The following LRP1 variants were observed in gnomAD, a reference collection of about 807,000 sequenced individuals.
LRP1 encodes prolow-density lipoprotein receptor-related protein 1.
Under a neutral mutation model 541.5 loss-of-function variants are expected in LRP1, and 51 were observed. The observed-to-expected ratio is 0.09, with a 90% CI of 0.08 to 0.12. The LOEUF (loss-of-function observed/expected upper bound fraction) is 0.12, where lower values mean the gene tolerates loss of function less well. Among genes scored for constraint, LRP1 ranks in the 10% least tolerant of loss-of-function variants. The probability of loss-of-function intolerance (pLI) is 1.00; values close to 1 mark genes in which losing one functional copy is unlikely to be tolerated. For missense variants in LRP1, 3,878 were observed against 6,376.2 expected (o/e 0.61, Z 13.34); for synonymous variants, 2,219 against 2,470.8 (o/e 0.90, Z 3.02).
In LRP1 at chr12:57,158,246, C is replaced by T. The variant is rs969127427; in HGVS notation, c.1562-156C>T. 3.9e-5 allele frequency among the ~76,000 whole-genome samples: 6 copies of T among 152,184 alleles called. No homozygotes were observed. The highest frequency in any genetic ancestry group is 1.9e-4 in the East Asian group (1 of 5,190). ...CAGGACCCATCGTCCTGTATGTTAG[C>T]GTGTGCGTGGTCTGTCCATCTGACC... On this transcript the variant is annotated intron_variant, in intron 10 of 88. Coordinates refer to ENST00000243077, the MANE Select transcript of LRP1 (RefSeq NM_002332.3). The surrounding 1 kb of genome is among the most constrained non-coding windows in gnomAD (Gnocchi z 5.3).
Position 57,191,484 on chromosome 12 carries a change from C to T in LRP1, c.7401C>T (p.Ile2467=). The change falls in exon 44 of 89, where the codon ATC becomes ATT. Residue 2467 remains isoleucine (I), a synonymous_variant. Transcript: ENST00000243077. ...RVDIPQQPMG[I]IAVANDTNSC... is the part of the protein sequence containing the mutation. ...ACATCCCCCAGCAGCCCATGGGCAT[C>T]ATCGCCGTGGCCAACGACACCAACA... The T allele has an allele frequency of 6.3e-7, 1 of 1,599,728 alleles. No homozygotes were observed. The highest frequency in any genetic ancestry group is 1.1e-5 in the South Asian group (1 of 90,522).
At chr12:57,134,197 G>A (rs746415407) in intron 1 of LRP1, among the ~76,000 whole-genome samples, 152 of 152,300 alleles carry the variant, frequency 1.0e-3, no homozygotes, top group Non-Finnish European at 1.8e-3. Context: ...AGGCAAAGCC[G>A]AGAACAGACG....
chr12:57,131,016 A>T (rs2035027428), intron 1 of LRP1, among the ~76,000 whole-genome samples: 1 of 152,154 alleles, frequency 6.6e-6, no homozygotes, highest in South Asian at 2.1e-4. Flanking sequence ...ATTGCATAGA[A>T]ATGTAAGTTC....
rs1303261422 is a variant in LRP1, at chr12:57,194,521, T to G, written c.8068+18T>G. The G allele has an allele frequency of 5.0e-6, 8 of 1,610,478 alleles. No individual in the cohort carries two copies. The African/African-American group carries it at 5.3e-5, about 11-fold the overall frequency. On this transcript the variant is annotated intron_variant, in intron 49 of 88. Transcript: ENST00000243077. ...CTGCCCAGGTGGGCGGGGGCAGGTG[T>G]GTGGTGGGTGGTGGCCTGCGGTGAG...
chr12:57,180,930 G>A, intron 33 of LRP1, 123 bp downstream of exon 33: 1 of 1,378,542 alleles, frequency 7.3e-7, no homozygotes, highest in Non-Finnish European at 1.0e-6. Flanking sequence ...CCACCCAAAG[G>A]GGCTCCTTGT....
In LRP1 at chr12:57,178,179, G is replaced by T. The variant is rs930823767; in HGVS notation, c.4362-180G>T. ...TGAGAGGTGAAACCTGGACCTGTTGGGTTCTCACACCTTGGTCCTTCTGTC... is the reference window on the plus strand; with the variant it reads ...TGAGAGGTGAAACCTGGACCTGTTGTGTTCTCACACCTTGGTCCTTCTGTC... On this transcript the variant is annotated intron_variant, in intron 26 of 88. Transcript: ENST00000243077. The surrounding 1 kb of genome is among the most constrained non-coding windows in gnomAD (Gnocchi z 5.8). 6.6e-6 allele frequency among the ~76,000 whole-genome samples: 1 copy of T among 152,078 alleles called. No homozygotes were observed. Among genetic ancestry groups the T allele is most frequent in the Non-Finnish European group, 1.5e-5 (1 of 68,008 alleles).
In LRP1 at chr12:57,197,351, C is replaced by T. The variant is rs1398948864; in HGVS notation, c.9129C>T (p.Asn3043=). ...FANRYYLRKL[N]LDGSNYTLLK... ...ACCGGTACTACCTGCGCAAGCTCAA[C>T]CTGGACGGGTCCAACTACACGTTAC... The change falls in exon 57 of 89, where the codon AAC becomes AAT. Residue 3043 remains asparagine (N), a synonymous_variant. Transcript: ENST00000243077. This position sits in a 1 kb window ranked among gnomAD's most constrained non-coding sequence, Gnocchi z 4.5. The T allele has an allele frequency of 1.2e-6, 2 of 1,613,804 alleles. No homozygotes were observed. The highest frequency in any genetic ancestry group is 1.3e-5 in the African/African-American group (1 of 74,924).
chr12:57,165,601 A>C lies in LRP1; in HGVS notation c.2531-204A>C, dbSNP rs984421016. 5 of 582,216 alleles carry C rather than the reference A, an allele frequency of 8.6e-6. No homozygotes were observed. In the African/African-American group the frequency reaches 9.3e-5, roughly 11 times the overall value. The allele number at this position is 582,216 out of a possible 1,614,324, so 36.1% of individuals were successfully genotyped here. A position where few individuals can be genotyped will look rare whatever the true frequency, so the allele number is the denominator to read the frequency against. On this transcript the variant is annotated intron_variant, in intron 15 of 88. Transcript: ENST00000243077. The surrounding 1 kb of genome is among the most constrained non-coding windows in gnomAD (Gnocchi z 4.5). ...TCACACTGAAGTACAGTAAGCATTA[A>C]GTAGAGTAAACATCACTATTGTTGC... is the stretch of plus-strand genomic sequence containing the variant.
chr12:57,177,525 C>T lies in LRP1; in HGVS notation c.4295C>T (p.Ser1432Phe). 1.9e-6 allele frequency: 3 copies of T among 1,613,990 alleles called. No individual in the cohort carries two copies. The highest frequency in any genetic ancestry group is 2.5e-6 in the Non-Finnish European group (3 of 1,180,020). ...CGCACCGTGCACCGGGAGACCGGCT[C>T]TGGGGGCTGGCCCAACGGGCTCACC... ...GRRTVHRETG[S>F]GGWPNGLTVD... Residue 1432 changes from serine to phenylalanine, a missense_variant, in exon 26 of 89, where the codon TCT becomes TTT. Transcript: ENST00000243077. The surrounding 1 kb of genome is among the most constrained non-coding windows in gnomAD (Gnocchi z 6.8).
rs936264164 is a variant in LRP1 at position 57,197,972 on chromosome 12, G to A, written c.9283-184G>A. ...TTCACCTAGAGCCCCCTCTCCTAGA[G>A]CCTCTGCTGACACCTACACAGTGTC... On this transcript the variant is annotated intron_variant, in intron 58 of 88. Transcript: ENST00000243077. This position sits in a 1 kb window ranked among gnomAD's most constrained non-coding sequence, Gnocchi z 4.5. 1.3e-5 allele frequency among the ~76,000 whole-genome samples: 2 copies of A among 152,180 alleles called. No homozygotes were observed. Among genetic ancestry groups the A allele is most frequent in the Non-Finnish European group, 2.9e-5 (2 of 68,032 alleles).
Position 57,180,125 on chromosome 12 carries a change from C to G in LRP1, c.5220C>G (p.Gly1740=). The stretch of plus-strand genomic sequence containing the variant: ...GCAATCGCACCCTGCTCTTCAGTGG[C>G]CAGAAGGGCCCCGTGGGTACGAGCT... ...DGSNRTLLFS[G]QKGPVGLAID... The change falls in exon 31 of 89, where the codon GGC becomes GGG. Residue 1740 remains glycine, a synonymous_variant. Transcript: ENST00000243077. The G allele has an allele frequency of 6.2e-7, 1 of 1,613,754 alleles. No individual in the cohort carries two copies. Among genetic ancestry groups the G allele is most frequent in the Admixed American group, 1.7e-5 (1 of 60,030 alleles).
intron 79 of LRP1, 35 bp from the exon 80 acceptor site, chr12:57,209,657 C>T: frequency 1.9e-6 from 3 of 1,596,088 alleles, no homozygotes; most frequent in Non-Finnish European, 2.6e-6. Context: ...CCTGAGTGCC[C>T]CTCAGGTCCC....
chr12:57,131,158 A>G (rs543508915), intron 1 of LRP1, among the ~76,000 whole-genome samples: 3 of 152,262 alleles, frequency 2.0e-5, no homozygotes, highest in East Asian at 3.9e-4. Context: ...CTGACTTAGT[A>G]TGTTACCTTC....
In LRP1 at chr12:57,209,832, G is replaced by C; in HGVS notation, c.12403G>C (p.Asp4135His). 1 of 1,614,178 alleles carries C rather than the reference G, an allele frequency of 6.2e-7. No individual in the cohort carries two copies. Among genetic ancestry groups the C allele is most frequent in the Non-Finnish European group, 8.5e-7 (1 of 1,180,032 alleles). The change falls in exon 80 of 89, where the codon GAC becomes CAC. Residue 4135 changes from aspartate to histidine, a missense_variant. Asp to His is a moderately conservative substitution (Grantham distance 81). This residue lies in a region of LRP1 where 871 missense variants were observed against 1,212.4 expected (regional missense o/e 0.72). Transcript: ENST00000243077. Reference protein sequence around the residue: ...NLTGGLSHASDVVLYHQHKQP... With the variant: ...NLTGGLSHASHVVLYHQHKQP... ...GACAGGGGGCCTGAGCCACGCCTCTGACGTGGTCCTTTACCATCAGCACAA... is the reference window on the plus strand; with the variant it reads ...GACAGGGGGCCTGAGCCACGCCTCTCACGTGGTCCTTTACCATCAGCACAA...
Position 57,183,566 on chromosome 12 carries a change from T to C in LRP1, c.5794+56T>C. 6.4e-7 allele frequency: 1 copy of C among 1,574,392 alleles called. No individual in the cohort carries two copies. The highest frequency in any genetic ancestry group is 1.3e-5 in the African/African-American group (1 of 74,310). ...CGTGGCGTAGGAGCTTTAGGGGTGG[T>C]GTGGTGTGCCCTGAGGGTCCAGTGA... On this transcript the variant is annotated intron_variant, in intron 35 of 88. Coordinates refer to ENST00000243077, the MANE Select transcript of LRP1 (RefSeq NM_002332.3). The surrounding 1 kb of genome is among the most constrained non-coding windows in gnomAD (Gnocchi z 6.1).
At chr12:57,198,785 G>T in intron 60 of LRP1, 115 bp downstream of exon 60, 3 of 1,029,288 alleles carry the variant, frequency 2.9e-6, no homozygotes, top group East Asian at 5.2e-5. Context: ...GGAGGATATG[G>T]CCTGAGGACA....
intron 8 of LRP1, among the ~76,000 whole-genome samples, chr12:57,155,888 C>T (rs2035608124): frequency 6.6e-6 from 1 of 152,158 alleles, no homozygotes; most frequent in Non-Finnish European, 1.5e-5. Flanking sequence ...GAGGTGGAGA[C>T]TGCAGTGAGC....
rs759025002 is a variant in LRP1, at chr12:57,207,980, G to A, written c.11860-58G>A. Reference sequence around the variant, plus strand: ...TCCAGCAGGCTGGCAGAGTGGTGGCGGGGGGATAATGGCAGGAAGACAAAG... The same window carrying A: ...TCCAGCAGGCTGGCAGAGTGGTGGCAGGGGGATAATGGCAGGAAGACAAAG... On this transcript the variant is annotated intron_variant, in intron 76 of 88. Coordinates refer to ENST00000243077, the MANE Select transcript of LRP1 (RefSeq NM_002332.3). The A allele has an allele frequency of 4.2e-4, 657 of 1,574,070 alleles. 1 individual carries two copies. Among genetic ancestry groups the A allele is most frequent in the Non-Finnish European group, 5.3e-4 (615 of 1,150,140 alleles).
intron 1 of LRP1, among the ~76,000 whole-genome samples, chr12:57,133,172 C>G (rs1351813899): frequency 6.6e-6 from 1 of 151,976 alleles, no homozygotes; most frequent in Admixed American, 6.6e-5. Flanking sequence ...GAACTTGGAG[C>G]TTTTACTCTG....
Sources: gnomAD v4.1 joint callset for allele counts (sites outside exome capture counted in the v4.1 genomes callset) on GRCh38, gnomAD v4.1.1 for gene constraint, gnomAD v4.1.1 regional missense constraint, Gnocchi (gnomAD v3.1) non-coding constraint, MANE v1.5 for transcripts, NCBI Gene and HGNC (gene_info 2026-07-23, HGNC 2026-07-21) for gene names.